GPAT4: variants seen among roughly 807,000 people sequenced by gnomAD.
The protein encoded by GPAT4 is 1-AGP acyltransferase 6.
A neutral mutation model predicts 58.0 loss-of-function variants in GPAT4; 17 were observed. The observed-to-expected ratio is 0.29, with a 90% CI of 0.20 to 0.44. The LOEUF (loss-of-function observed/expected upper bound fraction) is 0.44, where lower values mean the gene tolerates loss of function less well. GPAT4 is among the 20% of genes least tolerant of loss of function. The pLI, the probability that GPAT4 is intolerant of heterozygous loss-of-function variation, is 1.00. For synonymous variants in GPAT4, 204 were observed against 210.1 expected (o/e 0.97, Z 0.25); for missense variants, 377 against 574.5 (o/e 0.66, Z 3.51).
intron 1 of GPAT4, among the ~76,000 whole-genome samples, chr8:41,592,316 C>T (rs558599512): frequency 6.6e-6 from 1 of 152,224 alleles, no homozygotes; most frequent in South Asian, 2.1e-4. Flanking sequence ...CCAGGTGGGT[C>T]CATGTGGTTT....
intron 1 of GPAT4, 127 bp from the exon 2 acceptor site, chr8:41,598,165 G>C (rs938411855): frequency 2.0e-5 from 3 of 152,164 alleles, no homozygotes; most frequent in African/African-American, 7.2e-5. Flanking sequence ...TTGATGACTT[G>C]AGAAGCAGTC....
At chr8:41,618,655 T>A in intron 10 of GPAT4, 29 bp from the exon 11 acceptor site, 1 of 1,612,952 alleles carries the variant, frequency 6.2e-7, no homozygotes, top group Non-Finnish European at 8.5e-7. Context: ...ACTACTCATG[T>A]CTTACCTCCA....
At chr8:41,591,384 G>C (rs1802785491) in intron 1 of GPAT4, among the ~76,000 whole-genome samples, 1 of 152,128 alleles carries the variant, frequency 6.6e-6, no homozygotes, top group South Asian at 2.1e-4. Context: ...TATGAAGGGT[G>C]GTCTCCTCCC....
intron 12 of GPAT4, among the ~76,000 whole-genome samples, chr8:41,620,515 G>A (rs74951561): frequency 0.02 from 3,119 of 152,270 alleles, 90 homozygotes; most frequent in African/African-American, 0.068. Flanking sequence ...TTACAGATAC[G>A]TTATGAGTCG....
At chr8:41,603,201 T>C (rs893081900) in intron 2 of GPAT4, among the ~76,000 whole-genome samples, 1 of 152,172 alleles carries the variant, frequency 6.6e-6, no homozygotes, top group Admixed American at 6.5e-5. Flanking sequence ...CTCCTGTCAG[T>C]GCATTTAAAT....
At position 41,620,897 on chromosome 8, in the gene GPAT4, G is replaced by A. The variant is rs1254042510; in HGVS notation, c.1267G>A (p.Gly423Arg). 6.4e-7 allele frequency: 1 copy of A among 1,550,892 alleles called. No homozygotes were observed. Among genetic ancestry groups the A allele is most frequent in the Non-Finnish European group, 8.7e-7 (1 of 1,147,094 alleles). The change falls in exon 13 of 13, where the codon GGG becomes AGG. Residue 423 changes from glycine (G) to arginine (R), a missense_variant. Transcript: ENST00000396987. ...QGGLVDLLWDGGLKREKVKDT... is the reference protein window; with the variant it reads ...QGGLVDLLWDRGLKREKVKDT... The stretch of plus-strand genomic sequence containing the variant: ...ATCCAGCCTTTGTCTCTCCAGGGAT[G>A]GGGGCCTGAAGAGGGAGAAGGTGAA...
intron 1 of GPAT4, among the ~76,000 whole-genome samples, chr8:41,583,415 C>T (rs1365006310): frequency 6.6e-6 from 1 of 151,504 alleles, no homozygotes; most frequent in African/African-American, 2.4e-5. Context: ...TTTTTAGCTC[C>T]TATATATTGA....
intron 4 of GPAT4, 40 bp from the exon 5 acceptor site, chr8:41,610,696 T>G (rs771471776): frequency 5.0e-5 from 80 of 1,594,968 alleles, no homozygotes; most frequent in Non-Finnish European, 6.4e-5. Context: ...CTTGGTAGAA[T>G]GATTTGCTGG....
At chr8:41,596,782 G>A (rs1005828791) in intron 1 of GPAT4, among the ~76,000 whole-genome samples, 9 of 152,142 alleles carry the variant, frequency 5.9e-5, no homozygotes, top group Non-Finnish European at 1.2e-4. Context: ...GACTAGCCGC[G>A]GACAAGAACA....
chr8:41,601,952 G>GTTGTAT (rs1201386419), intron 2 of GPAT4, among the ~76,000 whole-genome samples: 8 of 70,254 alleles, frequency 1.1e-4, no homozygotes, highest in African/African-American at 5.1e-4. Context: ...GGGCCACAGT[G>GTTGTAT]GCCCAAATGT....
chr8:41,604,118 CTTG>C (rs773032654), intron 2 of GPAT4, among the ~76,000 whole-genome samples: 54 of 148,014 alleles, frequency 3.6e-4, no homozygotes, highest in Admixed American at 2.4e-3. Context: ...ATAGTGTTTA[CTTG>C]TTGTTGTGTG....
intron 1 of GPAT4, among the ~76,000 whole-genome samples, chr8:41,594,736 G>A (rs1355408703): frequency 5.9e-5 from 9 of 151,872 alleles, no homozygotes; most frequent in East Asian, 1.9e-4. Context: ...TAGTAGAGAC[G>A]GGGTTTCACC....
intron 2 of GPAT4, 60 bp downstream of exon 2, chr8:41,599,364 A>G: frequency 6.3e-7 from 1 of 1,578,968 alleles, no homozygotes; most frequent in Non-Finnish European, 8.6e-7. Context: ...CATTTAGCAA[A>G]AAGTTATTCT....
intron 2 of GPAT4, among the ~76,000 whole-genome samples, chr8:41,607,514 G>A (rs1442584447): frequency 6.6e-6 from 1 of 151,012 alleles, no homozygotes; most frequent in Non-Finnish European, 1.5e-5. Flanking sequence ...TATCAGAATT[G>A]TCAGTACAGA....
At chr8:41,593,140 C>T (rs906425796) in intron 1 of GPAT4, among the ~76,000 whole-genome samples, 2 of 152,164 alleles carry the variant, frequency 1.3e-5, no homozygotes, top group African/African-American at 4.8e-5. Context: ...CAAGATTATG[C>T]GTTTGGGCAC....
chr8:41,593,742 G>A (rs1372920200), intron 1 of GPAT4, among the ~76,000 whole-genome samples: 3 of 152,192 alleles, frequency 2.0e-5, no homozygotes, highest in African/African-American at 7.2e-5. Flanking sequence ...CTGGTTTACC[G>A]GAAATTCTGG....
At position 41,624,327 on chromosome 8, in the gene GPAT4, G is replaced by C. The variant is rs536043578; in HGVS notation, c.*3326G>C. ...TCCCAGACCAGTGACAGGCATTTTT[G>C]GGTGCCATCGTGTGACCTTCACGGC... On this transcript the variant is annotated 3_prime_UTR_variant, in exon 13 of 13. Transcript: ENST00000396987. 1 of 152,346 alleles carries C rather than the reference G, an allele frequency of 6.6e-6. No homozygotes were observed. The highest frequency in any genetic ancestry group is 2.1e-4 in the South Asian group (1 of 4,824). The allele number at this position is 152,346 out of a possible 1,614,324, so 9.4% of individuals were successfully genotyped here.
Position 41,599,205 on chromosome 8 carries a change from C to A in GPAT4, c.66C>A (p.Leu22=), listed in dbSNP as rs771676659. 1.2e-6 allele frequency: 2 copies of A among 1,613,936 alleles called. No homozygotes were observed. The highest frequency in any genetic ancestry group is 1.7e-6 in the Non-Finnish European group (2 of 1,180,004). The change falls in exon 2 of 13, where the codon CTC becomes CTA. Residue 22 remains leucine, a synonymous_variant. Transcript: ENST00000396987. ...TTCTGGGCATCTCCCTGACTGTCCT[C>A]TTCACCCTCCTTCTCGTTTTCATCA... ...VNLLGISLTV[L]FTLLLVFIIV...
In GPAT4 at chr8:41,612,922, G is replaced by C. The variant is rs371903817; in HGVS notation, c.873G>C (p.Glu291Asp). ...MVKACPHVWF[E>D]RSEVKDRHLV... ...AGGCCTGCCCACACGTCTGGTTTGA[G>C]CGCTCGGAAGTGAAGGATCGCCACC... Residue 291 changes from glutamate (E) to aspartate (D), a missense_variant, in exon 8 of 13, where the codon GAG becomes GAC. Transcript: ENST00000396987. 32 of 1,614,016 alleles carry C rather than the reference G, an allele frequency of 2.0e-5. No individual in the cohort carries two copies. The highest frequency in any genetic ancestry group is 2.6e-5 in the Non-Finnish European group (31 of 1,180,032).
Sources: allele counts gnomAD v4.1 joint callset (sites outside exome capture counted in the v4.1 genomes callset), GRCh38; gene constraint gnomAD v4.1.1; transcripts MANE v1.5; gene names NCBI Gene and HGNC (gene_info 2026-07-23, HGNC 2026-07-21).